Variants in IGDCC4 observed in about 807,000 individuals in gnomAD.
IGDCC4 encodes immunoglobulin superfamily DCC subclass member 4.
Under a neutral mutation model 116.6 loss-of-function variants are expected in IGDCC4, and 72 were observed. That is an observed-to-expected ratio of 0.62 (90% confidence interval 0.51 to 0.75). IGDCC4 has a LOEUF of 0.75. IGDCC4 is among the 30% of genes least tolerant of loss of function. The pLI is 0.00. For missense variants in IGDCC4, 1,501 were observed against 1,662.4 expected (o/e 0.90, Z 1.69); for synonymous variants, 709 against 719.9 (o/e 0.98, Z 0.24).
chr15:65,408,840 T>C (rs1330166388), intron 3 of IGDCC4, among the ~76,000 whole-genome samples: 14 of 137,760 alleles, frequency 1.0e-4, no homozygotes, highest in African/African-American at 3.8e-4. Context: ...GTCTCTCTCT[T>C]TTTTTTTTTT....
In IGDCC4 at chr15:65,402,333, C is replaced by T. The variant is rs1043278259; in HGVS notation, c.700+18G>A. 5 of 1,556,032 alleles carry T rather than the reference C, an allele frequency of 3.2e-6. No individual in the cohort carries two copies. In the African/African-American group the frequency reaches 4.1e-5, roughly 13 times the overall value. The stretch of plus-strand genomic sequence containing the variant: ...TTCCAGAAACCCCCAGGTTTCCCCA[C>T]CCAGCCAGCCCCCTTACCTCTGTGG... On this transcript the variant is annotated intron_variant, in intron 4 of 19. Transcript: ENST00000352385.
At chr15:65,396,359 C>A (rs1279119580) in intron 6 of IGDCC4, 196 bp from the exon 7 acceptor site, 1 of 713,384 alleles carries the variant, frequency 1.4e-6, no homozygotes, top group South Asian at 1.5e-5. Flanking sequence ...TTTACCCCAG[C>A]CCCACAACGA....
In IGDCC4 at chr15:65,407,341, A is replaced by T. The variant is rs527752700; in HGVS notation, c.563+2837T>A. Among the ~76,000 whole-genome samples the T allele has an allele frequency of 4.2e-4, 63 of 151,404 alleles. 1 individual carries two copies. The highest frequency in any genetic ancestry group is 6.2e-4 in the Non-Finnish European group (42 of 67,888). ...AAACCTAGTATGTACAATATAATTT[A>T]TTATTATTATTATTATTCTGAGACG... On this transcript the variant is annotated intron_variant, in intron 3 of 19. Transcript: ENST00000352385.
In IGDCC4 at chr15:65,400,800, A is replaced by T; in HGVS notation, c.841+6T>A. On this transcript the variant is annotated splice_donor_region_variant and intron_variant, in intron 5 of 19. Transcript: ENST00000352385. ...ATGCCCTCCTTCTCCCACCCCCTCC[A>T]CTCACCTTGTCGGACCCAGGACACA... is the stretch of plus-strand genomic sequence containing the variant. 6.3e-7 allele frequency: 1 copy of T among 1,590,010 alleles called. No individual in the cohort carries two copies. Among genetic ancestry groups the T allele is most frequent in the Non-Finnish European group, 8.6e-7 (1 of 1,166,324 alleles).
At chr15:65,406,799 G>A (rs1012895163) in intron 3 of IGDCC4, among the ~76,000 whole-genome samples, 1 of 152,062 alleles carries the variant, frequency 6.6e-6, no homozygotes, top group African/African-American at 2.4e-5. Flanking sequence ...CACTCCCAGA[G>A]TCCAAAAACT....
chr15:65,391,767 G>T (rs1291396183), intron 12 of IGDCC4, 113 bp downstream of exon 12: 2 of 895,412 alleles, frequency 2.2e-6, no homozygotes, highest in East Asian at 2.4e-5. Flanking sequence ...TTGGGCATGA[G>T]CTGAGGCTAC....
chr15:65,395,680 C>T (rs1026230562), intron 7 of IGDCC4, 70 bp downstream of exon 7: 2 of 1,374,344 alleles, frequency 1.5e-6, no homozygotes, highest in Non-Finnish European at 1.9e-6. Context: ...TTCAGTCATC[C>T]GACCTGAACC....
At chr15:65,407,824 T>G (rs2063054107) in intron 3 of IGDCC4, among the ~76,000 whole-genome samples, 1 of 146,204 alleles carries the variant, frequency 6.8e-6, no homozygotes, top group African/African-American at 2.6e-5. Context: ...TTAGTAGAGA[T>G]AGGGTTTCAC....
Position 65,383,622 on chromosome 15 carries a change from T to C in IGDCC4, c.*387A>G. ...ACTCTCAGAGTGTGTAATAAAAGGC[T>C]GGGCGATGGAGGTGGGGGCCCACAG... On this transcript the variant is annotated 3_prime_UTR_variant, in exon 20 of 20. Coordinates refer to ENST00000352385, the MANE Select transcript of IGDCC4 (RefSeq NM_020962.3). The C allele has an allele frequency of 5.7e-6, 1 of 174,882 alleles. No homozygotes were observed. Among genetic ancestry groups the C allele is most frequent in the Non-Finnish European group, 1.2e-5 (1 of 83,692 alleles). The allele number at this position is 174,882 out of a possible 1,614,324, so 10.8% of individuals were successfully genotyped here. A position where few individuals can be genotyped will look rare whatever the true frequency, so the allele number is the denominator to read the frequency against.
At chr15:65,407,904 G>T (rs1352160008) in intron 3 of IGDCC4, among the ~76,000 whole-genome samples, 15 of 152,000 alleles carry the variant, frequency 9.9e-5, no homozygotes, top group Non-Finnish European at 8.8e-5. Context: ...AAAGTGCTGG[G>T]ATTACAGGCG....
chr15:65,401,054 A>G (rs1165237754), intron 4 of IGDCC4, 108 bp from the exon 5 acceptor site: 2 of 1,422,764 alleles, frequency 1.4e-6, no homozygotes, highest in African/African-American at 2.8e-5. Flanking sequence ...GGACAGCAGC[A>G]ATGATTCCAT....
chr15:65,411,386 G>A lies in IGDCC4; in HGVS notation c.71-16C>T, dbSNP rs774142175. ...AGCAGCTCCCCTGCATAGAGGAGGA[G>A]CACGGGGCCATCAGTGTATGTCCCC... On this transcript the variant is annotated splice_polypyrimidine_tract_variant and intron_variant, in intron 1 of 19. Transcript: ENST00000352385. The A allele has an allele frequency of 3.9e-6, 6 of 1,535,690 alleles. No homozygotes were observed. Among genetic ancestry groups the A allele is most frequent in the South Asian group, 1.3e-5 (1 of 78,680 alleles).
chr15:65,408,486 C>T (rs562971484), intron 3 of IGDCC4, among the ~76,000 whole-genome samples: 14 of 152,252 alleles, frequency 9.2e-5, no homozygotes, highest in Admixed American at 2.6e-4. Flanking sequence ...CTCTAGAATG[C>T]TCATTCATGG....
chr15:65,414,409 C>T (rs1334326143), intron 1 of IGDCC4, among the ~76,000 whole-genome samples: 3 of 152,198 alleles, frequency 2.0e-5, no homozygotes, highest in African/African-American at 2.4e-5. Flanking sequence ...CTGGCATTCA[C>T]ACTACTGCGG....
intron 5 of IGDCC4, among the ~76,000 whole-genome samples, chr15:65,399,403 A>C (rs991830932): frequency 6.8e-6 from 1 of 146,230 alleles, no homozygotes; most frequent in Non-Finnish European, 1.5e-5. Flanking sequence ...TGGAGGCTGC[A>C]GTAAGCTGTG....
intron 3 of IGDCC4, among the ~76,000 whole-genome samples, chr15:65,409,808 G>T (rs556595818): frequency 6.6e-6 from 1 of 152,154 alleles, no homozygotes; most frequent in Non-Finnish European, 1.5e-5. Flanking sequence ...CAGCAGCCTC[G>T]GGGAGCCCTC....
chr15:65,410,259 C>G lies in IGDCC4; in HGVS notation c.482G>C (p.Arg161Pro). Residue 161 changes from arginine to proline, a missense_variant, in exon 3 of 20, where the codon CGC (arginine) becomes CCC (proline). Arg to Pro is a moderately radical substitution (Grantham distance 103). Around this residue, in one of 3 missense-constraint regions of IGDCC4, gnomAD observed 898 missense variants for 978.9 expected, o/e 0.92. Coordinates refer to ENST00000352385, the MANE Select transcript of IGDCC4 (RefSeq NM_020962.3). ...CAGCCCTTCAATGTGGCACTCAAAGCGAGCTGTCCCGTTCTCCTCCACCGT... is the reference window on the plus strand; with the variant it reads ...CAGCCCTTCAATGTGGCACTCAAAGGGAGCTGTCCCGTTCTCCTCCACCGT... ...SQTVEENGTA[R>P]FECHIEGLPA... 1 of 1,614,002 alleles carries G rather than the reference C, an allele frequency of 6.2e-7. No homozygotes were observed. The highest frequency in any genetic ancestry group is 8.5e-7 in the Non-Finnish European group (1 of 1,180,010).
intron 5 of IGDCC4, among the ~76,000 whole-genome samples, chr15:65,399,196 C>T (rs1056419695): frequency 9.2e-5 from 14 of 151,712 alleles, no homozygotes; most frequent in East Asian, 2.0e-4. Context: ...GAGCACCGGG[C>T]GCAGTGACTC....
At chr15:65,385,773 T>A in intron 18 of IGDCC4, 58 bp downstream of exon 18, 2 of 1,394,226 alleles carry the variant, frequency 1.4e-6, no homozygotes, top group Non-Finnish European at 2.0e-6. Flanking sequence ...CGCGTTGTGC[T>A]CTGTCGCCCC....
Sources: allele counts gnomAD v4.1 joint callset (sites outside exome capture counted in the v4.1 genomes callset), GRCh38; gene constraint gnomAD v4.1.1; regional missense constraint gnomAD v4.1.1; transcripts MANE v1.5; gene names NCBI Gene and HGNC (gene_info 2026-07-23, HGNC 2026-07-21).